The following PACSIN1 variants were observed in gnomAD, a reference collection of about 807,000 sequenced individuals.
PACSIN1 encodes the protein protein kinase C and casein kinase substrate in neurons protein 1.
A neutral mutation model predicts 59.5 loss-of-function variants in PACSIN1; 15 were observed. The observed-to-expected ratio is 0.25, with a 90% CI of 0.17 to 0.39. The LOEUF (loss-of-function observed/expected upper bound fraction) is 0.39, where lower values mean the gene tolerates loss of function less well. PACSIN1 is among the 10% of genes least tolerant of loss of function. The pLI is 1.00. For synonymous variants in PACSIN1, 210 were observed against 220.6 expected (o/e 0.95, Z 0.42); for missense variants, 420 against 580.2 (o/e 0.72, Z 2.84).
intron 1 of PACSIN1, among the ~76,000 whole-genome samples, chr6:34,483,853 T>C (rs1055968008): frequency 6.6e-6 from 1 of 151,906 alleles, no homozygotes; most frequent in African/African-American, 2.4e-5. Flanking sequence ...TTCTCCATGT[T>C]GGCCAGGCTG....
chr6:34,483,648 T>C (rs1431128088), intron 1 of PACSIN1, among the ~76,000 whole-genome samples: 1 of 141,006 alleles, frequency 7.1e-6, no homozygotes, highest in East Asian at 2.1e-4. Flanking sequence ...TTTTTTTTTT[T>C]TTTTTTTTTT....
rs773294426 is a variant in PACSIN1, at chr6:34,529,890, G to A, written c.788+49G>A. On this transcript the variant is annotated intron_variant, in intron 6 of 9. Transcript: ENST00000244458. The surrounding 1 kb of genome is among the most constrained non-coding windows in gnomAD (Gnocchi z 6.3). ...AGGGCACAGGCACAGCCAGCAGATGGTGTGACTGGCATGCAGGGCATCCCA... is the reference window on the plus strand; with the variant it reads ...AGGGCACAGGCACAGCCAGCAGATGATGTGACTGGCATGCAGGGCATCCCA... 30 of 1,579,062 alleles carry A rather than the reference G, an allele frequency of 1.9e-5. No individual in the cohort carries two copies. In the East Asian group the frequency reaches 6.8e-4, roughly 36 times the overall value.
At chr6:34,470,016 C>A (rs955625246) in intron 1 of PACSIN1, among the ~76,000 whole-genome samples, 23 of 152,152 alleles carry the variant, frequency 1.5e-4, no homozygotes, top group African/African-American at 5.6e-4. Flanking sequence ...TGGCTGGTTT[C>A]CAGCCAGGGG....
chr6:34,529,306 C>T lies in PACSIN1; in HGVS notation c.457-91C>T. ...CTTAAGAGTGTGGGCTCACAGGTCCCAGGGAGTGGGCAGGGGAGGAGTTAA... is the reference window on the plus strand; with the variant it reads ...CTTAAGAGTGTGGGCTCACAGGTCCTAGGGAGTGGGCAGGGGAGGAGTTAA... On this transcript the variant is annotated intron_variant, in intron 4 of 9. Transcript: ENST00000244458. This position sits in a 1 kb window ranked among gnomAD's most constrained non-coding sequence, Gnocchi z 6.3. 7.2e-7 allele frequency: 1 copy of T among 1,394,844 alleles called. No individual in the cohort carries two copies. Among genetic ancestry groups the T allele is most frequent in the Non-Finnish European group, 1.0e-6 (1 of 1,004,500 alleles). 86.4% of individuals were successfully genotyped at this position (1,394,844 alleles called of 1,614,324 possible). A position where few individuals can be genotyped will look rare whatever the true frequency, so the allele number is the denominator to read the frequency against.
chr6:34,509,089 A>G (rs1426463534), intron 1 of PACSIN1, among the ~76,000 whole-genome samples: 2 of 152,220 alleles, frequency 1.3e-5, no homozygotes, highest in Non-Finnish European at 2.9e-5. Flanking sequence ...ATCATTGCCA[A>G]GGCCAATGTC....
intron 1 of PACSIN1, among the ~76,000 whole-genome samples, chr6:34,503,822 T>C (rs1385501585): frequency 6.6e-6 from 1 of 152,212 alleles, no homozygotes; most frequent in Non-Finnish European, 1.5e-5. Flanking sequence ...TTCAATGAAC[T>C]TTACACCTGT....
Position 34,525,797 on chromosome 6 carries a change from G to T in PACSIN1, c.-63-446G>T, listed in dbSNP as rs1278244394. Among the ~76,000 whole-genome samples the T allele has an allele frequency of 2.0e-5, 3 of 150,014 alleles. No individual in the cohort carries two copies. The highest frequency in any genetic ancestry group is 4.5e-5 in the Non-Finnish European group (3 of 67,306). ...TAGATCTCGGTGGTGTGACCTGTGG[G>T]CCAGGACACCACACATTTGGGACTC... On this transcript the variant is annotated intron_variant, in intron 1 of 9. Transcript: ENST00000244458. This position sits in a 1 kb window ranked among gnomAD's most constrained non-coding sequence, Gnocchi z 4.9.
rs1767463302 is a variant in PACSIN1 at position 34,525,328 on chromosome 6, G to A, written c.-63-915G>A. On this transcript the variant is annotated intron_variant, in intron 1 of 9. Transcript: ENST00000244458. This position sits in a 1 kb window ranked among gnomAD's most constrained non-coding sequence, Gnocchi z 4.9. ...ACAGATGGGGAGCCCTAGGGGGAGG[G>A]ACATCCTCCACCAACCATTCTTACG... Among the ~76,000 whole-genome samples the A allele has an allele frequency of 6.6e-6, 1 of 152,178 alleles. No homozygotes were observed. The highest frequency in any genetic ancestry group is 2.4e-5 in the African/African-American group (1 of 41,430).
At chr6:34,519,353 A>G (rs1055788555) in intron 1 of PACSIN1, among the ~76,000 whole-genome samples, 12 of 152,016 alleles carry the variant, frequency 7.9e-5, no homozygotes, top group Admixed American at 2.6e-4. Context: ...TGGGATCATC[A>G]TTTCTAATGA....
In PACSIN1 at chr6:34,532,532, G is replaced by T. The variant is rs901228071; in HGVS notation, c.*2G>T. Reference sequence around the variant, plus strand: ...GCCAACTACGTGGAGGCTATCTAGAGGCCCCCTCCCTCCATACTCCCGTCA... The same window carrying T: ...GCCAACTACGTGGAGGCTATCTAGATGCCCCCTCCCTCCATACTCCCGTCA... On this transcript the variant is annotated 3_prime_UTR_variant, in exon 10 of 10. Coordinates refer to ENST00000244458, the MANE Select transcript of PACSIN1 (RefSeq NM_020804.5). This position sits in a 1 kb window ranked among gnomAD's most constrained non-coding sequence, Gnocchi z 5.2. 15 of 1,527,972 alleles carry T rather than the reference G, an allele frequency of 9.8e-6. No individual in the cohort carries two copies. The highest frequency in any genetic ancestry group is 1.2e-5 in the Non-Finnish European group (14 of 1,127,888). The allele number at this position is 1,527,972 out of a possible 1,614,324, so 94.7% of individuals were successfully genotyped here.
chr6:34,530,338 T>C lies in PACSIN1; in HGVS notation c.884T>C (p.Met295Thr), dbSNP rs775968458. 7 of 1,613,950 alleles carry C rather than the reference T, an allele frequency of 4.3e-6. No individual in the cohort carries two copies. The highest frequency in any genetic ancestry group is 5.9e-6 in the Non-Finnish European group (7 of 1,180,006). Residue 295 changes from methionine (M) to threonine (T), a missense_variant, in exon 7 of 10, where the codon ATG becomes ACG. Met to Thr is a moderately conservative substitution (Grantham distance 81, BLOSUM62 -1). Coordinates refer to ENST00000244458, the MANE Select transcript of PACSIN1 (RefSeq NM_020804.5). The surrounding 1 kb of genome is among the most constrained non-coding windows in gnomAD (Gnocchi z 4.4). ...RWFRSTSGPG[M>T]PMNWPQFEEW... ...TTCCGCAGCACCAGTGGCCCCGGCA[T>C]GCCCATGAACTGGCCCCAGTTTGAG...
intron 1 of PACSIN1, among the ~76,000 whole-genome samples, chr6:34,481,574 G>T (rs552780381): frequency 6.6e-6 from 1 of 152,074 alleles, no homozygotes; most frequent in African/African-American, 2.4e-5. Context: ...GGAGGCTGAG[G>T]CAAGAGAATG....
At chr6:34,491,642 G>A (rs948713147) in intron 1 of PACSIN1, among the ~76,000 whole-genome samples, 26 of 150,172 alleles carry the variant, frequency 1.7e-4, no homozygotes, top group Non-Finnish European at 1.8e-4. Context: ...GCGAAGTTTC[G>A]CTCTTGTTGC....
intron 1 of PACSIN1, among the ~76,000 whole-genome samples, chr6:34,501,048 A>G (rs1767015779): frequency 6.6e-6 from 1 of 152,214 alleles, no homozygotes; most frequent in Non-Finnish European, 1.5e-5. Flanking sequence ...TTCATCTTCT[A>G]TTTAGACTAC....
intron 1 of PACSIN1, among the ~76,000 whole-genome samples, chr6:34,476,563 C>T (rs1202935411): frequency 6.6e-6 from 1 of 152,200 alleles, no homozygotes; most frequent in African/African-American, 2.4e-5. Flanking sequence ...GGCCCTGCCC[C>T]AGATGGGGCA....
At chr6:34,483,941 G>A (rs1410012328) in intron 1 of PACSIN1, among the ~76,000 whole-genome samples, 5 of 152,092 alleles carry the variant, frequency 3.3e-5, no homozygotes, top group South Asian at 2.1e-4. Flanking sequence ...TAGCCACCGC[G>A]CTCAGCCCCT....
intron 1 of PACSIN1, among the ~76,000 whole-genome samples, chr6:34,480,045 C>G (rs371254276): frequency 6.7e-6 from 1 of 148,906 alleles, no homozygotes; most frequent in African/African-American, 2.5e-5. Flanking sequence ...AGGCTGGTCT[C>G]GAACTCCTGA....
rs1373946775 is a variant in PACSIN1 at position 34,514,699 on chromosome 6, C to T, written c.-63-11544C>T. On this transcript the variant is annotated intron_variant, in intron 1 of 9. Coordinates refer to ENST00000244458, the MANE Select transcript of PACSIN1 (RefSeq NM_020804.5). This position sits in a 1 kb window ranked among gnomAD's most constrained non-coding sequence, Gnocchi z 4.4. ...GTATGCATGCGTGCCCATGTTGATG[C>T]GGCGCCGTGCGGGAGGCGGGCATCC... Among the ~76,000 whole-genome samples, 6 of 152,104 alleles carry T rather than the reference C, an allele frequency of 3.9e-5. No individual in the cohort carries two copies. Among genetic ancestry groups the T allele is most frequent in the African/African-American group, 7.2e-5 (3 of 41,400 alleles).
chr6:34,519,189 AG>A (rs1377946434), intron 1 of PACSIN1, among the ~76,000 whole-genome samples: 1 of 152,084 alleles, frequency 6.6e-6, no homozygotes, highest in East Asian at 1.9e-4. Flanking sequence ...TGGGCCACCA[AG>A]GGGTGCCTTG....
Sources: gnomAD v4.1 joint callset for allele counts (sites outside exome capture counted in the v4.1 genomes callset) on GRCh38, gnomAD v4.1.1 for gene constraint, Gnocchi (gnomAD v3.1) non-coding constraint, MANE v1.5 for transcripts, NCBI Gene and HGNC (gene_info 2026-07-23, HGNC 2026-07-21) for gene names.